The following RABL6 variants were observed in gnomAD, a reference collection of about 807,000 sequenced individuals.
The protein encoded by RABL6 is RAB, member RAS oncogene family like 6, also known as rab-like protein 6.
RABL6 carries 28 observed loss-of-function variants against 72.9 expected under a neutral mutation model. That is an observed-to-expected ratio of 0.38 (90% CI 0.28 to 0.53). RABL6 has a LOEUF of 0.53. Among genes scored for constraint, RABL6 ranks in the 20% least tolerant of loss-of-function variants. The pLI, the probability that RABL6 is intolerant of heterozygous loss-of-function variation, is 0.80. For synonymous variants in RABL6, 477 were observed against 421.2 expected (o/e 1.13, Z -1.62); for missense variants, 1,029 against 1,008.4 (o/e 1.02, Z -0.28).
Position 136,835,775 on chromosome 9 carries a change from C to G in RABL6, c.739C>G (p.Gln247Glu). 6.4e-7 allele frequency: 1 copy of G among 1,551,400 alleles called. No individual in the cohort carries two copies. The change falls in exon 8 of 15, where the codon CAG becomes GAG. Residue 247 changes from glutamine (Q) to glutamate (E), a missense_variant. Coordinates refer to ENST00000311502, the MANE Select transcript of RABL6 (RefSeq NM_024718.5). ...GCTGTTGCGGCAGCTGGAGACGAACCAGCTGGACATGGACGCCACGCTGGA... is the reference window on the plus strand; with the variant it reads ...GCTGTTGCGGCAGCTGGAGACGAACGAGCTGGACATGGACGCCACGCTGGA... ...ETLLRQLETN[Q>E]LDMDATLEEL...
intron 1 of RABL6, among the ~76,000 whole-genome samples, chr9:136,817,481 C>T (rs1848142498): frequency 6.6e-6 from 1 of 152,094 alleles, no homozygotes; most frequent in Admixed American, 6.6e-5. Flanking sequence ...CGCAGCAAAC[C>T]TGTGGCTGAG....
At chr9:136,808,522 G>C in intron 1 of RABL6, 196 bp downstream of exon 1, 1 of 420,142 alleles carries the variant, frequency 2.4e-6, no homozygotes. Flanking sequence ...GGGTCCTCGC[G>C]GCCCCCGAGC....
intron 5 of RABL6, chr9:136,830,913 C>T (rs571662997): frequency 1.3e-3 from 201 of 154,458 alleles, no homozygotes; most frequent in African/African-American, 3.8e-3. Flanking sequence ...GCTCAGACAG[C>T]GGCTTCAAGC....
intron 1 of RABL6, chr9:136,814,921 C>T (rs1848086480): frequency 6.3e-6 from 1 of 159,798 alleles, no homozygotes. Context: ...CATCGTCACC[C>T]TCGTCCTTGT....
intron 2 of RABL6, among the ~76,000 whole-genome samples, chr9:136,824,180 C>A (rs920980280): frequency 1.3e-5 from 2 of 151,934 alleles, no homozygotes; most frequent in Non-Finnish European, 2.9e-5. Context: ...TGGGTAGATG[C>A]GGGAAGGTGG....
rs372437572 is a variant in RABL6, at chr9:136,840,194, G to A, written c.1971G>A (p.Lys657=). The change falls in exon 14 of 15, where the codon AAG becomes AAA. Residue 657 remains lysine (K), a synonymous_variant. Coordinates refer to ENST00000311502, the MANE Select transcript of RABL6 (RefSeq NM_024718.5). ...CCCCCTCTAAGGAGAAGAAGAAGAA[G>A]AAGAAAAAAGGCAAAGAGGTACTGG... ...GKTPSKEKKK[K]KKKGKEEEEK... is the part of the protein sequence containing the mutation. 2.0e-5 allele frequency: 32 copies of A among 1,612,668 alleles called. No homozygotes were observed. In the African/African-American group the frequency reaches 3.7e-4, roughly 19 times the overall value.
chr9:136,838,113 C>G, intron 10 of RABL6, 98 bp downstream of exon 10: 1 of 1,415,210 alleles, frequency 7.1e-7, no homozygotes, highest in Non-Finnish European at 9.6e-7. Flanking sequence ...CAGAAGGGGC[C>G]CCCCGCCGGC....
chr9:136,829,592 AC>A (rs1479482395), intron 5 of RABL6, 108 bp downstream of exon 5: 51 of 1,011,076 alleles, frequency 5.0e-5, no homozygotes, highest in Non-Finnish European at 6.9e-5. Flanking sequence ...GTTCTGCAGG[AC>A]CGAGGGACTC....
rs1331585641 is a variant in RABL6 at position 136,825,840 on chromosome 9, G to C, written c.313+14G>C. 3.7e-6 allele frequency: 6 copies of C among 1,607,398 alleles called. No homozygotes were observed. The highest frequency in any genetic ancestry group is 1.6e-4 in the Middle Eastern group (1 of 6,074). On this transcript the variant is annotated intron_variant, in intron 3 of 14. Coordinates refer to ENST00000311502, the MANE Select transcript of RABL6 (RefSeq NM_024718.5). The stretch of plus-strand genomic sequence containing the variant: ...TAGTAGACAAAGGTGAGGCGTCTCT[G>C]TTCTGTGTCTGCTTCTCTCTGGGAC...
Position 136,840,557 on chromosome 9 carries a change from G to A in RABL6, c.*35G>A, listed in dbSNP as rs922540091. The A allele has an allele frequency of 6.5e-7, 1 of 1,547,250 alleles. No individual in the cohort carries two copies. The highest frequency in any genetic ancestry group is 8.7e-7 in the Non-Finnish European group (1 of 1,146,314). ...GGCAGTGGCCGCCCTGGGGCGGGGG[G>A]CGTGCCTGTCACTGCCTGGGGAGGC... is the stretch of plus-strand genomic sequence containing the variant. On this transcript the variant is annotated 3_prime_UTR_variant, in exon 15 of 15. Transcript: ENST00000311502.
chr9:136,813,073 G>T (rs1848047048), intron 1 of RABL6: 6 of 382,200 alleles, frequency 1.6e-5, no homozygotes, highest in Non-Finnish European at 3.0e-5. Flanking sequence ...TTCCTGGTTG[G>T]TGACTACCCT....
intron 10 of RABL6, among the ~76,000 whole-genome samples, chr9:136,838,297 A>G (rs1410223721): frequency 6.6e-6 from 1 of 152,146 alleles, no homozygotes; most frequent in Non-Finnish European, 1.5e-5. Flanking sequence ...AAGCCATTGG[A>G]GAGGCCACTG....
In RABL6 at chr9:136,825,830, A is replaced by T; in HGVS notation, c.313+4A>T. 6.2e-7 allele frequency: 1 copy of T among 1,611,160 alleles called. No homozygotes were observed. Among genetic ancestry groups the T allele is most frequent in the South Asian group, 1.1e-5 (1 of 91,020 alleles). The stretch of plus-strand genomic sequence containing the variant: ...GTCTGGGATGTAGTAGACAAAGGTG[A>T]GGCGTCTCTGTTCTGTGTCTGCTTC... On this transcript the variant is annotated splice_donor_region_variant and intron_variant, in intron 3 of 14. Coordinates refer to ENST00000311502, the MANE Select transcript of RABL6 (RefSeq NM_024718.5).
At chr9:136,808,400 TG>T in intron 1 of RABL6, 74 bp downstream of exon 1, 6 of 1,355,684 alleles carry the variant, frequency 4.4e-6, no homozygotes, top group Non-Finnish European at 5.7e-6. Context: ...CGCCGCGCGG[TG>T]GTGGGTGTCG....
intron 1 of RABL6, among the ~76,000 whole-genome samples, chr9:136,819,850 C>T (rs1848202321): frequency 6.6e-6 from 1 of 152,020 alleles, no homozygotes. Context: ...ATTGCTTGAG[C>T]CCAGGAGGTC....
intron 7 of RABL6, chr9:136,833,486 CCTGGGT>C (rs1848523594): frequency 2.1e-6 from 1 of 482,058 alleles, no homozygotes; most frequent in Non-Finnish European, 3.5e-6. Flanking sequence ...GGCTGCCCCG[CCTGGGT>C]CTGGGGGACC....
intron 9 of RABL6, 38 bp from the exon 10 acceptor site, chr9:136,837,824 G>C: frequency 6.5e-7 from 1 of 1,544,576 alleles, no homozygotes; most frequent in Non-Finnish European, 8.7e-7. Context: ...TGAGGGTTCT[G>C]GTGCCGAGTG....
intron 7 of RABL6, among the ~76,000 whole-genome samples, chr9:136,834,846 G>A (rs1257970153): frequency 6.6e-6 from 1 of 151,698 alleles, no homozygotes; most frequent in Non-Finnish European, 1.5e-5. Flanking sequence ...CCAGCTGTTA[G>A]GGAGGCAGAG....
chr9:136,833,510 C>A (rs1848524218), intron 7 of RABL6: 3 of 659,722 alleles, frequency 4.5e-6, no homozygotes, highest in African/African-American at 3.7e-5. Flanking sequence ...ACCTGAACCT[C>A]CTCGCCCTGG....
Sources: allele counts gnomAD v4.1 joint callset (sites outside exome capture counted in the v4.1 genomes callset), GRCh38; gene constraint gnomAD v4.1.1; transcripts MANE v1.5; gene names NCBI Gene and HGNC (gene_info 2026-07-23, HGNC 2026-07-21).